The following FBN2 variants were observed in gnomAD, a reference collection of about 807,000 sequenced individuals.
The protein encoded by FBN2 is fibrillin 2.
FBN2 carries 105 observed loss-of-function variants against 355.6 expected under a neutral mutation model. The observed-to-expected ratio is 0.30, with a 90% CI of 0.25 to 0.35. FBN2 has a LOEUF of 0.35. Among genes scored for constraint, FBN2 ranks in the 10% least tolerant of loss-of-function variants. The pLI, the probability that FBN2 is intolerant of heterozygous loss-of-function variation, is 1.00. For missense variants in FBN2, 3,280 were observed against 3,758.7 expected, an observed-to-expected ratio of 0.87 and a Z score of 3.33; for synonymous variants, 1,350 against 1,301.2, an observed-to-expected ratio of 1.04 and a Z score of -0.81.
At chr5:128,353,100 T>G (rs180681976) in intron 20 of FBN2, among the ~76,000 whole-genome samples, 11 of 151,510 alleles carry the variant, frequency 7.3e-5, no homozygotes, top group Non-Finnish European at 1.2e-4. Context: ...CTGAGCCCCG[T>G]AGGCAGAGGC....
chr5:128,343,908 C>G (rs1341779578), intron 25 of FBN2, among the ~76,000 whole-genome samples: 1 of 152,006 alleles, frequency 6.6e-6, no homozygotes, highest in Non-Finnish European at 1.5e-5. Flanking sequence ...ATTTGGAGAA[C>G]TGGTTTAAGT....
At chr5:128,366,503 T>C in intron 16 of FBN2, 73 bp from the exon 17 acceptor site, 1 of 845,972 alleles carries the variant, frequency 1.2e-6, no homozygotes, top group Admixed American at 2.1e-5. Flanking sequence ...ATTTCATAAC[T>C]CCAAAACTAC....
At position 128,338,997 on chromosome 5, in the gene FBN2, G is replaced by C; in HGVS notation, c.3408C>G (p.Gly1136=). 6.2e-7 allele frequency: 1 copy of C among 1,613,888 alleles called. No homozygotes were observed. The highest frequency in any genetic ancestry group is 8.5e-7 in the Non-Finnish European group (1 of 1,179,778). Residue 1136 remains glycine (G), a synonymous_variant, in exon 26 of 65, where the codon GGC becomes GGG. Transcript: ENST00000262464. ...CTTCGAAGCACTCGCACTCAAAGCT[G>C]CCCGGTGTATTGACGCAGATTCCAC... ...CGSGICVNTP[G]SFECECFEGY...
At chr5:128,491,019 A>G (rs555739071) in intron 5 of FBN2, among the ~76,000 whole-genome samples, 1 of 152,086 alleles carries the variant, frequency 6.6e-6, no homozygotes, top group South Asian at 2.1e-4. Flanking sequence ...AGCCTTCATC[A>G]TATGTAATTT....
intron 5 of FBN2, among the ~76,000 whole-genome samples, chr5:128,499,554 G>A (rs938502866): frequency 3.9e-5 from 6 of 152,128 alleles, no homozygotes; most frequent in African/African-American, 1.4e-4. Flanking sequence ...AGCAACAATG[G>A]TTGCAAATCA....
rs1230494241 is a variant in FBN2 at position 128,345,631 on chromosome 5, A to G, written c.2990-47T>C. 3 of 1,516,950 alleles carry G rather than the reference A, an allele frequency of 2.0e-6. No homozygotes were observed. The Admixed American group carries it at 5.0e-5, about 25-fold the overall frequency. The allele number at this position is 1,516,950 out of a possible 1,614,324, so 94.0% of individuals were successfully genotyped here. A position where few individuals can be genotyped will look rare whatever the true frequency, so the allele number is the denominator to read the frequency against. ...AGGGTGAGAATGAGTTGAAACATCC[A>G]TTGAACAGTCACATGTCAAGCGTCT... is the stretch of plus-strand genomic sequence containing the variant. On this transcript the variant is annotated intron_variant, in intron 23 of 64. Transcript: ENST00000262464.
At chr5:128,328,490 C>T (rs950715613) in intron 34 of FBN2, 4 of 664,808 alleles carry the variant, frequency 6.0e-6, no homozygotes, top group Non-Finnish European at 1.1e-5. Context: ...ACTACTGGCT[C>T]TTGGCCAGGA....
intron 8 of FBN2, among the ~76,000 whole-genome samples, chr5:128,398,737 C>T (rs1752714628): frequency 6.6e-6 from 1 of 152,212 alleles, no homozygotes. Flanking sequence ...ACCCAAATCT[C>T]ATCGTGAATT....
At chr5:128,359,371 C>T (rs147887334) in intron 19 of FBN2, among the ~76,000 whole-genome samples, 170 of 152,130 alleles carry the variant, frequency 1.1e-3, no homozygotes, top group African/African-American at 3.8e-3. Flanking sequence ...CAGACAGAAA[C>T]ACTTACTGTT....
chr5:128,466,622 G>T (rs924304816), intron 5 of FBN2, among the ~76,000 whole-genome samples: 1 of 152,170 alleles, frequency 6.6e-6, no homozygotes, highest in Non-Finnish European at 1.5e-5. Context: ...GCAAAGAACA[G>T]TTTAGAAGTT....
chr5:128,472,820 C>A (rs894170782), intron 5 of FBN2, among the ~76,000 whole-genome samples: 2 of 151,302 alleles, frequency 1.3e-5, no homozygotes, highest in Non-Finnish European at 2.9e-5. Context: ...ATTAACACAG[C>A]AAATTTTATG....
chr5:128,488,261 C>T (rs1345967374), intron 5 of FBN2, among the ~76,000 whole-genome samples: 2 of 152,214 alleles, frequency 1.3e-5, no homozygotes, highest in East Asian at 1.9e-4. Flanking sequence ...GTCCAACTGC[C>T]AGGGTGTAAG....
At chr5:128,456,266 G>T (rs531675497) in intron 6 of FBN2, among the ~76,000 whole-genome samples, 1 of 152,202 alleles carries the variant, frequency 6.6e-6, no homozygotes, top group South Asian at 2.1e-4. Flanking sequence ...GATAACTCCA[G>T]CCAGAGGCTC....
intron 36 of FBN2, among the ~76,000 whole-genome samples, chr5:128,317,805 G>C (rs1750249481): frequency 6.6e-6 from 1 of 152,100 alleles, no homozygotes; most frequent in Non-Finnish European, 1.5e-5. Flanking sequence ...CCTTCCAGTA[G>C]GCAGGAGAAA....
chr5:128,537,722 C>T lies in FBN2; in HGVS notation c.-119G>A, dbSNP rs1052922176. On this transcript the variant is annotated 5_prime_UTR_variant, in exon 1 of 65. Transcript: ENST00000262464. ...AGCCCTTCGTCGGCTCCGGGGACTC[C>T]CTCGGGCTCGGGCTCCCTGCTCTAG... 1.9e-6 allele frequency: 2 copies of T among 1,029,374 alleles called. No homozygotes were observed. Among genetic ancestry groups the T allele is most frequent in the Non-Finnish European group, 2.9e-6 (2 of 689,538 alleles). 63.8% of individuals were successfully genotyped at this position (1,029,374 alleles called of 1,614,324 possible).
At chr5:128,324,903 G>A (rs537194118) in intron 34 of FBN2, among the ~76,000 whole-genome samples, 1 of 152,264 alleles carries the variant, frequency 6.6e-6, no homozygotes, top group Non-Finnish European at 1.5e-5. Flanking sequence ...ACAGGCATGA[G>A]CCACTGCGCT....
Position 128,464,778 on chromosome 5 carries a change from G to A in FBN2, c.772C>T (p.Pro258Ser). Residue 258 changes from proline (P) to serine (S), a missense_variant, in exon 6 of 65, where the codon CCT becomes TCT. Pro to Ser is a moderately conservative substitution (Grantham distance 74, BLOSUM62 -1). Transcript: ENST00000262464. ...GHPCEMCPAQ[P>S]QPCRRGFIPN... ...ATGAAACCCCGTCGGCAGGGCTGAG[G>A]CTGGGCTGGACACATCTCACAGGGA... is the stretch of plus-strand genomic sequence containing the variant. 6.2e-7 allele frequency: 1 copy of A among 1,614,186 alleles called. No homozygotes were observed. The highest frequency in any genetic ancestry group is 8.5e-7 in the Non-Finnish European group (1 of 1,180,034).
chr5:128,331,760 G>A (rs1750698880), intron 32 of FBN2, among the ~76,000 whole-genome samples: 1 of 152,126 alleles, frequency 6.6e-6, no homozygotes, highest in Non-Finnish European at 1.5e-5. Flanking sequence ...GTAAAGGAGA[G>A]GATGAATTTG....
At chr5:128,317,166 C>T (rs1458085399) in intron 36 of FBN2, among the ~76,000 whole-genome samples, 1 of 152,116 alleles carries the variant, frequency 6.6e-6, no homozygotes, top group African/African-American at 2.4e-5. Context: ...GTGACTCCCC[C>T]ATCCCTAATA....
Sources: gnomAD v4.1 joint callset for allele counts (sites outside exome capture counted in the v4.1 genomes callset) on GRCh38, gnomAD v4.1.1 for gene constraint, MANE v1.5 for transcripts, NCBI Gene and HGNC (gene_info 2026-07-23, HGNC 2026-07-21) for gene names.